Variants in ARFIP1 observed in about 807,000 individuals in gnomAD.
The protein encoded by ARFIP1 is arfaptin-1.
Under a neutral mutation model 42.5 loss-of-function variants are expected in ARFIP1, and 24 were observed. That is an observed-to-expected ratio of 0.57 (90% confidence interval 0.41 to 0.80). The LOEUF (loss-of-function observed/expected upper bound fraction) is 0.80. Among genes scored for constraint, ARFIP1 ranks in the 30% least tolerant of loss-of-function variants. ARFIP1 has a pLI of 0.00. For synonymous variants in ARFIP1, 141 were observed against 153.7 expected, an observed-to-expected ratio of 0.92 and a Z score of 0.61; for missense variants, 354 against 434.0, an observed-to-expected ratio of 0.82 and a Z score of 1.64.
At chr4:152,886,679 A>G (rs1378528422) in intron 7 of ARFIP1, among the ~76,000 whole-genome samples, 1 of 151,838 alleles carries the variant, frequency 6.6e-6, no homozygotes, top group African/African-American at 2.4e-5. Flanking sequence ...AGTTCTTATT[A>G]TCTCATTTTG....
intron 2 of ARFIP1, among the ~76,000 whole-genome samples, chr4:152,844,139 A>G (rs1456676631): frequency 2.6e-5 from 4 of 152,084 alleles, no homozygotes; most frequent in Admixed American, 6.5e-5. Flanking sequence ...TCTAAACTTG[A>G]CTCAGCTTTA....
chr4:152,894,320 C>G (rs371009358), intron 8 of ARFIP1, among the ~76,000 whole-genome samples: 129 of 151,948 alleles, frequency 8.5e-4, no homozygotes, highest in East Asian at 4.8e-3. Context: ...CTTACTAAAA[C>G]TTCTCTTTGA....
chr4:152,909,386 A>AAAAAC (rs1455591857), intron 8 of ARFIP1, among the ~76,000 whole-genome samples: 5 of 152,248 alleles, frequency 3.3e-5, no homozygotes, highest in East Asian at 1.9e-4. Flanking sequence ...CTCTGTCTCA[A>AAAAAC]AAAACAAAAC....
chr4:152,869,561 T>C (rs1413780640), intron 3 of ARFIP1, among the ~76,000 whole-genome samples: 3 of 151,930 alleles, frequency 2.0e-5, no homozygotes, highest in African/African-American at 7.3e-5. Flanking sequence ...GCAGTCCGTC[T>C]ACCTCAACCT....
intron 8 of ARFIP1, among the ~76,000 whole-genome samples, chr4:152,895,259 G>A (rs1434105914): frequency 1.3e-5 from 2 of 152,150 alleles, no homozygotes; most frequent in Non-Finnish European, 2.9e-5. Context: ...GTGAACTGAA[G>A]GCTTCAGGAG....
At chr4:152,907,987 T>A (rs1057432043) in intron 8 of ARFIP1, among the ~76,000 whole-genome samples, 1 of 152,238 alleles carries the variant, frequency 6.6e-6, no homozygotes, top group Non-Finnish European at 1.5e-5. Context: ...TTGTACATAT[T>A]TATACACCCG....
At chr4:152,908,405 C>G (rs925421434) in intron 8 of ARFIP1, among the ~76,000 whole-genome samples, 2 of 152,120 alleles carry the variant, frequency 1.3e-5, no homozygotes, top group Non-Finnish European at 2.9e-5. Context: ...GCGGGCAGAT[C>G]ACGAGACGGT....
chr4:152,837,830 C>G (rs1233466374), intron 2 of ARFIP1, among the ~76,000 whole-genome samples: 1 of 152,108 alleles, frequency 6.6e-6, no homozygotes. Flanking sequence ...CTTTTGGGTT[C>G]TTGGTCATGA....
In ARFIP1 at chr4:152,808,066, C is replaced by T. The variant is rs139786151; in HGVS notation, c.-9-21559C>T. Among the ~76,000 whole-genome samples, 814 of 152,098 alleles carry T rather than the reference C, an allele frequency of 5.4e-3. 9 individuals are homozygous for T. The highest frequency in any genetic ancestry group is 0.019 in the African/African-American group (781 of 41,512). ...CACGATCTTGGCTCACTGCAGCCTC[C>T]GCCTCCCAGGTTCAAGTGATTCTCC... On this transcript the variant is annotated intron_variant, in intron 1 of 8. Coordinates refer to ENST00000353617, the MANE Select transcript of ARFIP1 (RefSeq NM_001025595.3).
intron 1 of ARFIP1, among the ~76,000 whole-genome samples, chr4:152,817,397 CTG>C (rs1284794076): frequency 2.0e-5 from 3 of 152,178 alleles, no homozygotes; most frequent in Non-Finnish European, 4.4e-5. Flanking sequence ...GCTGGAAAAA[CTG>C]GATATCCACA....
intron 3 of ARFIP1, among the ~76,000 whole-genome samples, chr4:152,867,776 G>A (rs947332647): frequency 6.6e-6 from 1 of 152,028 alleles, no homozygotes; most frequent in Non-Finnish European, 1.5e-5. Context: ...AATATATTTC[G>A]TGATAATGGC....
At chr4:152,841,535 ATTTG>A (rs1732076800) in intron 2 of ARFIP1, among the ~76,000 whole-genome samples, 2 of 151,680 alleles carry the variant, frequency 1.3e-5, no homozygotes, top group South Asian at 2.1e-4. Flanking sequence ...TGTTTCCAGT[ATTTG>A]TTTGAAGATT....
intron 2 of ARFIP1, among the ~76,000 whole-genome samples, chr4:152,831,717 A>G (rs1327028757): frequency 2.0e-5 from 3 of 152,208 alleles, no homozygotes; most frequent in Non-Finnish European, 4.4e-5. Context: ...CTTTCACTCA[A>G]CATTATGTCT....
chr4:152,875,999 T>C (rs1282681334), intron 5 of ARFIP1, among the ~76,000 whole-genome samples: 1 of 152,210 alleles, frequency 6.6e-6, no homozygotes, highest in Non-Finnish European at 1.5e-5. Context: ...TTTCGCCTCC[T>C]GCCATGATTC....
chr4:152,909,149 C>CT (rs1221425766), intron 8 of ARFIP1, among the ~76,000 whole-genome samples: 2 of 152,168 alleles, frequency 1.3e-5, no homozygotes, highest in African/African-American at 4.8e-5. Context: ...CTTTGGGAGG[C>CT]TGAGGCAGGC....
At chr4:152,857,876 C>T (rs113764003) in intron 2 of ARFIP1, among the ~76,000 whole-genome samples, 185 of 152,324 alleles carry the variant, frequency 1.2e-3, no homozygotes, top group African/African-American at 4.2e-3. Context: ...GTCCCCACCC[C>T]CCAGAACATC....
intron 5 of ARFIP1, among the ~76,000 whole-genome samples, chr4:152,873,952 C>A (rs1268971280): frequency 6.6e-6 from 1 of 152,142 alleles, no homozygotes; most frequent in East Asian, 1.9e-4. Flanking sequence ...ACAATCTGTG[C>A]TTTCTCATAC....
At chr4:152,801,374 T>C (rs974923614) in intron 1 of ARFIP1, among the ~76,000 whole-genome samples, 1 of 152,142 alleles carries the variant, frequency 6.6e-6, no homozygotes, top group African/African-American at 2.4e-5. Flanking sequence ...AAGATTGGTG[T>C]GTTTGAGAAA....
intron 2 of ARFIP1, among the ~76,000 whole-genome samples, chr4:152,848,330 A>G (rs577511421): frequency 6.6e-6 from 1 of 152,264 alleles, no homozygotes; most frequent in African/African-American, 2.4e-5. Context: ...GAATAAATGA[A>G]TGTTTATTCA....
Sources: allele counts gnomAD v4.1 joint callset (sites outside exome capture counted in the v4.1 genomes callset), GRCh38; gene constraint gnomAD v4.1.1; transcripts MANE v1.5; gene names NCBI Gene and HGNC (gene_info 2026-07-23, HGNC 2026-07-21).